IQSEC3: variants seen among roughly 807,000 people sequenced by gnomAD.
The protein encoded by IQSEC3 is IQ motif and Sec7 domain ArfGEF 3.
A neutral mutation model predicts 105.4 loss-of-function variants in IQSEC3; 50 were observed. The ratio of observed to expected loss-of-function variants is 0.47; its 90% CI spans 0.38 to 0.60. The LOEUF (loss-of-function observed/expected upper bound fraction) is 0.60, where lower values mean the gene tolerates loss of function less well. Among genes scored for constraint, IQSEC3 ranks in the 20% least tolerant of loss-of-function variants. IQSEC3 has a pLI of 0.00. For synonymous variants in IQSEC3, 708 were observed against 746.0 expected, an observed-to-expected ratio of 0.95 and a Z score of 0.83; for missense variants, 1,415 against 1,630.0, an observed-to-expected ratio of 0.87 and a Z score of 2.27.
intron 5 of IQSEC3, among the ~76,000 whole-genome samples, chr12:153,153 G>T (rs1004414580): frequency 6.6e-6 from 1 of 151,994 alleles, no homozygotes; most frequent in East Asian, 1.9e-4. Flanking sequence ...AACAGAGGAG[G>T]CTCATGCTGT....
At chr12:166,162 G>C in intron 11 of IQSEC3, 1 of 438,648 alleles carries the variant, frequency 2.3e-6, no homozygotes, top group Non-Finnish European at 4.0e-6. Flanking sequence ...TTGGAACAGA[G>C]AGCTCTGCTG....
At chr12:79,359 TGGCC>T in intron 1 of IQSEC3, among the ~76,000 whole-genome samples, 1 of 152,200 alleles carries the variant, frequency 6.6e-6, no homozygotes, top group African/African-American at 2.4e-5. Context: ...CTCTGGCTTC[TGGCC>T]ACCTGTACTT....
chr12:113,526 C>T (rs574353071), intron 2 of IQSEC3, among the ~76,000 whole-genome samples: 18 of 152,072 alleles, frequency 1.2e-4, no homozygotes, highest in Admixed American at 7.2e-4. Flanking sequence ...CACTGCCACA[C>T]GGCCTGGTGG....
At chr12:126,957 G>C (rs1410036011) in intron 3 of IQSEC3, among the ~76,000 whole-genome samples, 3 of 152,200 alleles carry the variant, frequency 2.0e-5, no homozygotes, top group Non-Finnish European at 4.4e-5. Context: ...CATCAGTAAA[G>C]TGTTTGACCA....
chr12:135,055 A>G lies in IQSEC3; in HGVS notation c.904-3212A>G, dbSNP rs200202856. Among the ~76,000 whole-genome samples the G allele has an allele frequency of 1.3e-4, 20 of 152,288 alleles. No individual in the cohort carries two copies. In the East Asian group the frequency reaches 2.9e-3, roughly 22 times the overall value. The stretch of plus-strand genomic sequence containing the variant: ...TGAGGCAGGAGAATCGCTTGAACCC[A>G]GGAGGCGGAGGTTATGGTGAGCCGA... On this transcript the variant is annotated intron_variant, in intron 3 of 13. Coordinates refer to ENST00000538872, the MANE Select transcript of IQSEC3 (RefSeq NM_001170738.2).
intron 1 of IQSEC3, among the ~76,000 whole-genome samples, chr12:92,125 T>G (rs1359479256): frequency 6.6e-6 from 1 of 152,142 alleles, no homozygotes; most frequent in Non-Finnish European, 1.5e-5. Flanking sequence ...CCATCAGAAC[T>G]CATCAATATG....
chr12:138,756 G>A lies in IQSEC3; in HGVS notation c.1393G>A (p.Asp465Asn). 1.3e-6 allele frequency: 2 copies of A among 1,557,762 alleles called. No individual in the cohort carries two copies. The highest frequency in any genetic ancestry group is 2.4e-5 in the East Asian group (1 of 42,236). The change falls in exon 4 of 14, where the codon GAT (aspartate) becomes AAT (asparagine). Residue 465 changes from aspartate to asparagine, a missense_variant. Physicochemically the swap from Asp to Asn is conservative, Grantham distance 23 (BLOSUM62 1). Around this residue, in one of 6 missense-constraint regions of IQSEC3, gnomAD observed 720 missense variants for 633.0 expected, o/e 1.14. Coordinates refer to ENST00000538872, the MANE Select transcript of IQSEC3 (RefSeq NM_001170738.2). This position sits in a 1 kb window ranked among gnomAD's most constrained non-coding sequence, Gnocchi z 7.1. ...GGAGAGCGCGGGCCCCGGGCCCGGG[G>A]ATGACGCCGCGGAGACCCCCGGCCT... Reference protein sequence around the residue: ...APESAGPGPGDDAAETPGLPP... With the variant: ...APESAGPGPGNDAAETPGLPP...
rs1939201934 is a variant in IQSEC3 at position 175,190 on chromosome 12, T to TCATC, written c.*160_*163dup. 1.6e-6 allele frequency: 1 copy of TCATC among 622,202 alleles called. No individual in the cohort carries two copies. The highest frequency in any genetic ancestry group is 2.7e-6 in the Non-Finnish European group (1 of 367,650). 38.5% of individuals were successfully genotyped at this position (622,202 alleles called of 1,614,324 possible). A position where few individuals can be genotyped will look rare whatever the true frequency, so the allele number is the denominator to read the frequency against. ...CCAATCCCTGGCACCTGGGTTTGCC[T>TCATC]CATCCAACCATCCTTCCCTTTCTCA... On this transcript the variant is annotated 3_prime_UTR_variant, in exon 14 of 14. Coordinates refer to ENST00000538872, the MANE Select transcript of IQSEC3 (RefSeq NM_001170738.2).
At chr12:145,093 A>C (rs1866206922) in intron 5 of IQSEC3, among the ~76,000 whole-genome samples, 1 of 152,214 alleles carries the variant, frequency 6.6e-6, no homozygotes, top group South Asian at 2.1e-4. Context: ...TCAGCCTCCC[A>C]AAATGCTGGA....
Position 175,082 on chromosome 12 carries a change from C to T in IQSEC3, c.*49C>T, listed in dbSNP as rs981420727. 9 of 1,383,532 alleles carry T rather than the reference C, an allele frequency of 6.5e-6. No individual in the cohort carries two copies. Among genetic ancestry groups the T allele is most frequent in the Non-Finnish European group, 8.6e-6 (9 of 1,041,780 alleles). The allele number at this position is 1,383,532 out of a possible 1,614,324, so 85.7% of individuals were successfully genotyped here. On this transcript the variant is annotated 3_prime_UTR_variant, in exon 14 of 14. Transcript: ENST00000538872. The stretch of plus-strand genomic sequence containing the variant: ...CCTGGGAGGGCTGGCCACTGGGGGG[C>T]CTGGGCTGCCCCTCCACTGCTCCCC...
chr12:94,690 A>T (rs186018092), intron 1 of IQSEC3, among the ~76,000 whole-genome samples: 2 of 152,354 alleles, frequency 1.3e-5, no homozygotes, highest in Non-Finnish European at 2.9e-5. Flanking sequence ...GGGACCTGGG[A>T]GGACCAGCAG....
chr12:120,329 A>C (rs1466937218), intron 2 of IQSEC3, among the ~76,000 whole-genome samples: 3 of 152,104 alleles, frequency 2.0e-5, no homozygotes, highest in African/African-American at 7.2e-5. Flanking sequence ...GTGGCCTGAG[A>C]GGGTTCGGCA....
intron 2 of IQSEC3, among the ~76,000 whole-genome samples, chr12:115,326 A>G (rs1865014811): frequency 6.6e-6 from 1 of 152,268 alleles, no homozygotes; most frequent in African/African-American, 2.4e-5. Context: ...GCTGGGGTGA[A>G]GTAGGGCTGA....
intron 13 of IQSEC3, among the ~76,000 whole-genome samples, chr12:174,062 G>T (rs1939144753): frequency 1.3e-5 from 2 of 152,194 alleles, no homozygotes; most frequent in South Asian, 4.1e-4. Context: ...TGGGAGGACA[G>T]GTAGGTCCAG....
intron 3 of IQSEC3, among the ~76,000 whole-genome samples, chr12:127,887 T>TCCC (rs770236933): frequency 6.6e-4 from 100 of 152,306 alleles, no homozygotes; most frequent in East Asian, 5.8e-4. Flanking sequence ...TTTAATTAGA[T>TCCC]CCCATTTGTC....
At chr12:156,324 A>G (rs1866683663) in intron 5 of IQSEC3, among the ~76,000 whole-genome samples, 1 of 152,200 alleles carries the variant, frequency 6.6e-6, no homozygotes, top group African/African-American at 2.4e-5. Flanking sequence ...GGCAAGCCAG[A>G]GTCACACCAA....
chr12:125,338 G>A (rs957330802), intron 2 of IQSEC3, among the ~76,000 whole-genome samples: 1 of 152,168 alleles, frequency 6.6e-6, no homozygotes, highest in Non-Finnish European at 1.5e-5. Context: ...GTAAGAGGCA[G>A]AGCCCAGATG....
At chr12:147,183 C>T (rs566161582) in intron 5 of IQSEC3, among the ~76,000 whole-genome samples, 10 of 152,274 alleles carry the variant, frequency 6.6e-5, no homozygotes, top group South Asian at 2.1e-4. Flanking sequence ...ACAGGCCACT[C>T]GGACGTGGGC....
At chr12:171,317 G>A in intron 13 of IQSEC3, 156 bp downstream of exon 13, 1 of 1,613,724 alleles carries the variant, frequency 6.2e-7, no homozygotes, top group South Asian at 1.1e-5. Context: ...AAAAGTTACT[G>A]CTAGCATGGG....
Sources: gnomAD v4.1 joint callset for allele counts (sites outside exome capture counted in the v4.1 genomes callset) on GRCh38, gnomAD v4.1.1 for gene constraint, gnomAD v4.1.1 regional missense constraint, Gnocchi (gnomAD v3.1) non-coding constraint, MANE v1.5 for transcripts, NCBI Gene and HGNC (gene_info 2026-07-23, HGNC 2026-07-21) for gene names.